The following SNX29 variants were observed in gnomAD, a reference collection of about 807,000 sequenced individuals.
SNX29 encodes sorting nexin-29.
SNX29 carries 78 observed loss-of-function variants against 102.1 expected under a neutral mutation model. The ratio of observed to expected loss-of-function variants is 0.76; its 90% confidence interval spans 0.64 to 0.92. SNX29 has a LOEUF of 0.92. Among genes scored for constraint, SNX29 ranks in the 40% least tolerant of loss-of-function variants. The pLI, the probability that SNX29 is intolerant of heterozygous loss-of-function variation, is 0.00. For synonymous variants in SNX29, 580 were observed against 414.5 expected, an observed-to-expected ratio of 1.40 and a Z score of -4.85; for missense variants, 1,280 against 1,061.7, an observed-to-expected ratio of 1.21 and a Z score of -2.86.
intron 13 of SNX29, among the ~76,000 whole-genome samples, chr16:12,175,321 G>A (rs1281353037): frequency 6.6e-6 from 1 of 152,054 alleles, no homozygotes; most frequent in Non-Finnish European, 1.5e-5. Flanking sequence ...GGGCTTTTAA[G>A]GATGTAATTG....
chr16:12,104,988 C>T (rs2053171875), intron 11 of SNX29, among the ~76,000 whole-genome samples: 1 of 152,188 alleles, frequency 6.6e-6, no homozygotes, highest in Non-Finnish European at 1.5e-5. Context: ...AATGCAGATC[C>T]ACTCGGGTTT....
At chr16:12,369,499 C>T (rs185011919) in intron 16 of SNX29, among the ~76,000 whole-genome samples, 24 of 152,200 alleles carry the variant, frequency 1.6e-4, no homozygotes, top group Non-Finnish European at 2.4e-4. Context: ...CTGGGGCAAC[C>T]GCGTGGGACT....
chr16:12,571,647 C>A lies in SNX29; in HGVS notation c.*3018C>A. ...CTTTTTTTCTCCCCCAGATGAAAGA[C>A]GACTCAGGAACGGTAGGGCTGGGCA... On this transcript the variant is annotated 3_prime_UTR_variant, in exon 21 of 21. Coordinates refer to ENST00000566228, the MANE Select transcript of SNX29 (RefSeq NM_032167.5). The A allele has an allele frequency of 2.8e-6, 3 of 1,058,518 alleles. No individual in the cohort carries two copies. The highest frequency in any genetic ancestry group is 2.3e-6 in the Non-Finnish European group (2 of 875,324). The allele number at this position is 1,058,518 out of a possible 1,614,324, so 65.6% of individuals were successfully genotyped here.
At chr16:12,014,965 C>T (rs1387179452) in intron 3 of SNX29, among the ~76,000 whole-genome samples, 2 of 151,892 alleles carry the variant, frequency 1.3e-5, no homozygotes, top group African/African-American at 2.4e-5. Context: ...ACTTTTTGGT[C>T]AACTATTTTT....
At chr16:12,480,649 C>T (rs1476699206) in intron 19 of SNX29, among the ~76,000 whole-genome samples, 1 of 152,196 alleles carries the variant, frequency 6.6e-6, no homozygotes, top group Non-Finnish European at 1.5e-5. Flanking sequence ...TCTCTGCAGC[C>T]TCAAACAACT....
intron 8 of SNX29, 88 bp downstream of exon 8, chr16:12,052,310 G>C (rs566766143): frequency 8.2e-6 from 12 of 1,460,344 alleles, no homozygotes; most frequent in Middle Eastern, 3.4e-4. Context: ...TCCACCTCCC[G>C]GGTTCAAGCT....
chr16:12,134,513 G>A (rs4420548), intron 13 of SNX29, among the ~76,000 whole-genome samples: 3,744 of 152,282 alleles, frequency 0.025, 164 homozygotes, highest in African/African-American at 0.087. Flanking sequence ...TTGCCACGTG[G>A]GCCTCTCCGT....
At chr16:12,561,937 G>C (rs918343507) in intron 20 of SNX29, among the ~76,000 whole-genome samples, 3 of 152,120 alleles carry the variant, frequency 2.0e-5, no homozygotes, top group East Asian at 1.9e-4. Context: ...TGAGCTTAGA[G>C]CCAGGTGCAT....
At chr16:12,106,487 T>G (rs1346079532) in intron 11 of SNX29, among the ~76,000 whole-genome samples, 1 of 152,060 alleles carries the variant, frequency 6.6e-6, no homozygotes, top group East Asian at 1.9e-4. Context: ...TGCTTGTTTT[T>G]CTTTTTCAGA....
chr16:12,364,181 ATG>A (rs1491429570), intron 16 of SNX29, among the ~76,000 whole-genome samples: 14 of 150,340 alleles, frequency 9.3e-5, no homozygotes, highest in Admixed American at 2.0e-4. Flanking sequence ...ATGTTATGTT[ATG>A]TTATGTTATG....
intron 4 of SNX29, among the ~76,000 whole-genome samples, chr16:12,041,174 C>T (rs8045202): frequency 0.4 from 60,935 of 151,172 alleles, 12,888 homozygotes; most frequent in Middle Eastern, 0.51. Context: ...TACAGTGGTG[C>T]GATCTTGGCT....
chr16:12,555,639 CA>C (rs2078289761), intron 20 of SNX29, among the ~76,000 whole-genome samples: 1 of 152,052 alleles, frequency 6.6e-6, no homozygotes. Flanking sequence ...TGAGTAACCC[CA>C]CTGATGCCAG....
At chr16:12,556,086 TTC>T (rs1480552257) in intron 20 of SNX29, among the ~76,000 whole-genome samples, 25 of 152,216 alleles carry the variant, frequency 1.6e-4, no homozygotes, top group African/African-American at 6.0e-4. Flanking sequence ...TAGAATTAAT[TTC>T]TGCTTTCATT....
chr16:12,572,514 C>A lies in SNX29; in HGVS notation c.*3885C>A, dbSNP rs532336416. The A allele has an allele frequency of 9.4e-7, 1 of 1,064,044 alleles. No individual in the cohort carries two copies. The highest frequency in any genetic ancestry group is 5.0e-5 in the East Asian group (1 of 19,978). The allele number at this position is 1,064,044 out of a possible 1,614,324, so 65.9% of individuals were successfully genotyped here. A position where few individuals can be genotyped will look rare whatever the true frequency, so the allele number is the denominator to read the frequency against. On this transcript the variant is annotated 3_prime_UTR_variant, in exon 21 of 21. Coordinates refer to ENST00000566228, the MANE Select transcript of SNX29 (RefSeq NM_032167.5). Reference sequence around the variant, plus strand: ...TCCAGGCCTCGGCCTTCCTGCTCCACGTGCTCAAGCCCCCACAGGGGGCTG... The same window carrying A: ...TCCAGGCCTCGGCCTTCCTGCTCCAAGTGCTCAAGCCCCCACAGGGGGCTG...
intron 14 of SNX29, among the ~76,000 whole-genome samples, chr16:12,253,944 G>A (rs1454887000): frequency 6.6e-6 from 1 of 152,116 alleles, no homozygotes; most frequent in African/African-American, 2.4e-5. Flanking sequence ...GAAGTGGCCT[G>A]CCCCTGGCCT....
intron 4 of SNX29, among the ~76,000 whole-genome samples, chr16:12,037,989 AAAAC>A (rs1207006517): frequency 1.3e-5 from 2 of 151,534 alleles, no homozygotes; most frequent in African/African-American, 4.9e-5. Context: ...AAAACAAAAC[AAAAC>A]AAAAAAAACC....
rs369015533 is a variant in SNX29, at chr16:12,063,366, C to CTTTTTTTTTTTTTTTTTTTTTTTTTTTTT, written c.1243+1746_1243+1747insTTTTTTTTTTTTTTTTTTTTTTTTTTTTT. 1.0e-3 allele frequency among the ~76,000 whole-genome samples: 56 copies of CTTTTTTTTTTTTTTTTTTTTTTTTTTTTT among 55,396 alleles called. 12 individuals carry two copies. The highest frequency in any genetic ancestry group is 1.5e-3 in the Non-Finnish European group (47 of 30,390). 36.3% of individuals were successfully genotyped at this position (55,396 alleles called of 152,430 possible). A position where few individuals can be genotyped will look rare whatever the true frequency, so the allele number is the denominator to read the frequency against. On this transcript the variant is annotated intron_variant, in intron 9 of 20. Coordinates refer to ENST00000566228, the MANE Select transcript of SNX29 (RefSeq NM_032167.5). The stretch of plus-strand genomic sequence containing the variant: ...CCCACCTCTTCTTTTCCTAGTCCAT[C>CTTTTTTTTTTTTTTTTTTTTTTTTTTTTT]TTTTTTTTTTTTTTTTTTTTTTTTT...
At chr16:12,473,423 T>C (rs2087449785) in intron 18 of SNX29, among the ~76,000 whole-genome samples, 1 of 152,162 alleles carries the variant, frequency 6.6e-6, no homozygotes, top group African/African-American at 2.4e-5. Context: ...AAGAGGTGCC[T>C]GGGCTTCAGG....
intron 17 of SNX29, among the ~76,000 whole-genome samples, chr16:12,400,912 T>A (rs1328950686): frequency 6.6e-6 from 1 of 152,202 alleles, no homozygotes; most frequent in Non-Finnish European, 1.5e-5. Flanking sequence ...AAGCTCCGCC[T>A]CCTGGGTTCA....
Sources: gnomAD v4.1 joint callset for allele counts (sites outside exome capture counted in the v4.1 genomes callset) on GRCh38, gnomAD v4.1.1 for gene constraint, MANE v1.5 for transcripts, NCBI Gene and HGNC (gene_info 2026-07-23, HGNC 2026-07-21) for gene names.